Variants in RORA observed in about 807,000 individuals in gnomAD.
The protein encoded by RORA is RAR related orphan receptor A, also known as nuclear receptor ROR-alpha.
In RORA, 7 loss-of-function variants were observed where a neutral mutation model predicts 69.5. The observed-to-expected ratio is 0.10, with a 90% confidence interval of 0.06 to 0.19. The LOEUF (loss-of-function observed/expected upper bound fraction) is 0.19. RORA is among the 10% of genes least tolerant of loss of function. The pLI, the probability that RORA is intolerant of heterozygous loss-of-function variation, is 1.00. For synonymous variants in RORA, 261 were observed against 240.8 expected (o/e 1.08, Z -0.78); for missense variants, 457 against 663.0 (o/e 0.69, Z 3.41).
At chr15:60,876,321 G>C (rs868674429) in intron 1 of RORA, among the ~76,000 whole-genome samples, 4 of 149,764 alleles carry the variant, frequency 2.7e-5, no homozygotes, top group Non-Finnish European at 4.5e-5. Context: ...TGGGGGGGGG[G>C]GGGGGCGGCT....
At chr15:60,696,216 A>G (rs1052619368) in intron 1 of RORA, among the ~76,000 whole-genome samples, 2 of 152,172 alleles carry the variant, frequency 1.3e-5, no homozygotes, top group African/African-American at 4.8e-5. Flanking sequence ...TCAGCTCGCT[A>G]ATGGGAACAA....
chr15:61,112,345 G>T (rs2079013800), intron 1 of RORA, among the ~76,000 whole-genome samples: 1 of 152,222 alleles, frequency 6.6e-6, no homozygotes, highest in Admixed American at 6.5e-5. Flanking sequence ...CTTGCTCCAG[G>T]AAAGGAAAGT....
At chr15:60,622,189 A>T (rs1449411813) in intron 2 of RORA, among the ~76,000 whole-genome samples, 2 of 152,182 alleles carry the variant, frequency 1.3e-5, no homozygotes, top group East Asian at 1.9e-4. Context: ...TAATTAGTGA[A>T]TCTGGATAAA....
At chr15:60,772,432 T>C (rs985530922) in intron 1 of RORA, among the ~76,000 whole-genome samples, 1 of 152,212 alleles carries the variant, frequency 6.6e-6, no homozygotes, top group South Asian at 2.1e-4. Flanking sequence ...TTTAGAAATA[T>C]GCAAAAAATA....
chr15:60,529,686 T>C (rs577853724), intron 3 of RORA: 1 of 152,322 alleles, frequency 6.6e-6, no homozygotes, highest in Non-Finnish European at 1.5e-5. Context: ...GCTTTTATTT[T>C]TGTCATGATA....
rs571707074 is a variant in RORA at position 61,114,749 on chromosome 15, A to G, written c.166+114304T>C. Among the ~76,000 whole-genome samples, 5 of 152,274 alleles carry G rather than the reference A, an allele frequency of 3.3e-5. No individual in the cohort carries two copies. The East Asian group carries it at 7.7e-4, about 24-fold the overall frequency. ...GTTATCCCTATACTTTGTTCTTGTC[A>G]TTTCAATCAGCCCAAGCAAGTGCAC... is the stretch of plus-strand genomic sequence containing the variant. On this transcript the variant is annotated intron_variant, in intron 1 of 10. Transcript: ENST00000335670.
At chr15:60,548,328 C>T (rs931860183) in intron 2 of RORA, among the ~76,000 whole-genome samples, 2 of 152,080 alleles carry the variant, frequency 1.3e-5, no homozygotes, top group Non-Finnish European at 2.9e-5. Context: ...GTCAGCCAAG[C>T]GAAAACACTG....
At chr15:60,566,649 C>T (rs1371194088) in intron 2 of RORA, among the ~76,000 whole-genome samples, 9 of 152,296 alleles carry the variant, frequency 5.9e-5, no homozygotes, top group Middle Eastern at 3.4e-3. Context: ...ATCATAATAA[C>T]AGAATATACC....
intron 8 of RORA, among the ~76,000 whole-genome samples, chr15:60,502,199 C>G (rs545435749): frequency 6.6e-6 from 1 of 152,314 alleles, no homozygotes; most frequent in East Asian, 1.9e-4. Context: ...AGACTGGTCT[C>G]AAACTCCTGA....
rs2065050224 is a variant in RORA, at chr15:60,492,045, C to T, written c.*5410G>A. The stretch of plus-strand genomic sequence containing the variant: ...ATGTCAACGTGTGTGTGTATACACA[C>T]ATATACAAATACACATAGAGAGGAG... On this transcript the variant is annotated 3_prime_UTR_variant, in exon 11 of 11. Transcript: ENST00000335670. 1 of 151,790 alleles carries T rather than the reference C, an allele frequency of 6.6e-6. No individual in the cohort carries two copies. Among genetic ancestry groups the T allele is most frequent in the Non-Finnish European group, 1.5e-5 (1 of 68,008 alleles). The allele number at this position is 151,790 out of a possible 1,614,324, so 9.4% of individuals were successfully genotyped here.
rs569797804 is a variant in RORA, at chr15:61,075,727, G to C, written c.166+153326C>G. Among the ~76,000 whole-genome samples the C allele has an allele frequency of 5.9e-5, 9 of 152,250 alleles. No homozygotes were observed. The South Asian group carries it at 1.7e-3, about 28-fold the overall frequency. ...AGCTACTAGAGCAGAGCTGTGCCTT[G>C]ACCCAAGTCTTCCATGTCTAAACCT... On this transcript the variant is annotated intron_variant, in intron 1 of 10. Transcript: ENST00000335670.
intron 1 of RORA, among the ~76,000 whole-genome samples, chr15:60,939,437 G>T (rs753607366): frequency 1.3e-5 from 2 of 152,148 alleles, no homozygotes; most frequent in Non-Finnish European, 2.9e-5. Flanking sequence ...GCACAGCAGG[G>T]ACGCACGTGC....
chr15:60,902,624 A>T (rs975806542), intron 1 of RORA, among the ~76,000 whole-genome samples: 1 of 152,202 alleles, frequency 6.6e-6, no homozygotes, highest in African/African-American at 2.4e-5. Context: ...TTTTTCAAGA[A>T]GAGAGTGGTA....
At chr15:60,853,614 C>A (rs1452813513) in intron 1 of RORA, among the ~76,000 whole-genome samples, 1 of 152,178 alleles carries the variant, frequency 6.6e-6, no homozygotes, top group Non-Finnish European at 1.5e-5. Context: ...AAACTGGCTC[C>A]AGATATACCT....
At chr15:60,939,251 T>C (rs552420555) in intron 1 of RORA, among the ~76,000 whole-genome samples, 50 of 152,284 alleles carry the variant, frequency 3.3e-4, no homozygotes, top group African/African-American at 1.2e-3. Context: ...GTTCCCACCA[T>C]GAACCAGGCA....
chr15:61,148,140 A>G (rs965134429), intron 1 of RORA, among the ~76,000 whole-genome samples: 1 of 152,256 alleles, frequency 6.6e-6, no homozygotes, highest in Non-Finnish European at 1.5e-5. Flanking sequence ...GAGTGACATC[A>G]GCGGCAACAT....
intron 1 of RORA, among the ~76,000 whole-genome samples, chr15:61,024,367 T>C (rs973794224): frequency 2.0e-5 from 3 of 147,712 alleles, no homozygotes; most frequent in Non-Finnish European, 4.5e-5. Flanking sequence ...CGGTGAGGCT[T>C]TCACCTCCTA....
At chr15:60,791,369 A>C (rs1296817611) in intron 1 of RORA, among the ~76,000 whole-genome samples, 1 of 152,256 alleles carries the variant, frequency 6.6e-6, no homozygotes. Context: ...AGTTATCTAC[A>C]CACAATAATT....
rs544646289 is a variant in RORA at position 61,073,029 on chromosome 15, G to A, written c.166+156024C>T. Among the ~76,000 whole-genome samples the A allele has an allele frequency of 9.2e-5, 14 of 152,302 alleles. No homozygotes were observed. In the South Asian group the frequency reaches 1.7e-3, roughly 18 times the overall value. On this transcript the variant is annotated intron_variant, in intron 1 of 10. Coordinates refer to ENST00000335670, the MANE Select transcript of RORA (RefSeq NM_134261.3). ...TGCACCAAAAGAAGACTTTGAAAAC[G>A]GAGGGTTTCCTGTCCACTTTTCGCC... is the stretch of plus-strand genomic sequence containing the variant.
Sources: allele counts gnomAD v4.1 joint callset (sites outside exome capture counted in the v4.1 genomes callset), GRCh38; gene constraint gnomAD v4.1.1; transcripts MANE v1.5; gene names NCBI Gene and HGNC (gene_info 2026-07-23, HGNC 2026-07-21).